Variants in PTGER4 observed in about 807,000 individuals in gnomAD.
The protein encoded by PTGER4 is prostaglandin E receptor 4.
PTGER4 carries 11 observed loss-of-function variants against 33.2 expected under a neutral mutation model. The ratio of observed to expected loss-of-function variants is 0.33; its 90% CI spans 0.21 to 0.55. PTGER4 has a LOEUF of 0.55. Among genes scored for constraint, PTGER4 ranks in the 20% least tolerant of loss-of-function variants. The pLI is 0.92. For missense variants in PTGER4, 481 were observed against 650.2 expected (o/e 0.74, Z 2.83); for synonymous variants, 275 against 281.5 (o/e 0.98, Z 0.23).
chr5:40,705,803 A>G, the PTGER4 span, among the ~76,000 whole-genome samples: 1 of 152,226 alleles, frequency 6.6e-6, no homozygotes, highest in Non-Finnish European at 1.5e-5. Context: ...AATGGCTATT[A>G]TAAGAAAGTC....
chr5:40,745,134 A>C, the PTGER4 span, among the ~76,000 whole-genome samples: 4 of 152,232 alleles, frequency 2.6e-5, no homozygotes, highest in South Asian at 8.3e-4. Context: ...CAAGGATGCC[A>C]AAAGACACTA....
the PTGER4 span, among the ~76,000 whole-genome samples, chr5:40,714,241 CAA>C: frequency 6.6e-6 from 1 of 152,040 alleles, no homozygotes; most frequent in Non-Finnish European, 1.5e-5. Flanking sequence ...GAAAGGATTA[CAA>C]AAAAAGTTCT....
the PTGER4 span, chr5:40,728,596 AT>A: frequency 1.1e-6 from 1 of 912,348 alleles, no homozygotes; most frequent in Non-Finnish European, 1.6e-6. Flanking sequence ...CATTTCGGTG[AT>A]TTTTACCCCT....
chr5:40,699,663 G>T, the PTGER4 span, among the ~76,000 whole-genome samples: 4 of 151,998 alleles, frequency 2.6e-5, no homozygotes, highest in South Asian at 8.3e-4. Context: ...GAGTAAGTAG[G>T]GTTTATCCCA....
chr5:40,690,383 A>G (rs1271231678), intron 2 of PTGER4, among the ~76,000 whole-genome samples: 7 of 152,156 alleles, frequency 4.6e-5, no homozygotes, highest in Admixed American at 4.6e-4. Flanking sequence ...ATTTTCCCCT[A>G]AGGATTAAAA....
At position 40,693,537 on chromosome 5, in the gene PTGER4, G is replaced by A. The variant is rs982704313; in HGVS notation, c.*1159G>A. On this transcript the variant is annotated 3_prime_UTR_variant, in exon 3 of 3. Coordinates refer to ENST00000302472, the MANE Select transcript of PTGER4 (RefSeq NM_000958.3). ...GGCACTTAATGGTCACCTTGTAACA[G>A]TTTTGTGTAACTCCCAGTGATGCTG... The A allele has an allele frequency of 1.2e-4, 114 of 985,808 alleles. No homozygotes were observed. Among genetic ancestry groups the A allele is most frequent in the Non-Finnish European group, 1.3e-4 (110 of 829,870 alleles). The allele number at this position is 985,808 out of a possible 1,614,324, so 61.1% of individuals were successfully genotyped here.
the PTGER4 span, among the ~76,000 whole-genome samples, chr5:40,704,005 C>G: frequency 1.4e-5 from 2 of 144,428 alleles, no homozygotes; most frequent in Admixed American, 1.4e-4. Flanking sequence ...CAGCTTAATA[C>G]CAAAACCTGG....
the PTGER4 span, among the ~76,000 whole-genome samples, chr5:40,712,512 T>C: frequency 1.3e-3 from 199 of 152,250 alleles, 3 homozygotes; most frequent in African/African-American, 4.4e-3. Flanking sequence ...ATGCCAACAA[T>C]AGCCACCAGA....
At chr5:40,728,297 T>TAAAAAAAAAAAAAAAAAA in the PTGER4 span, 3 of 401,712 alleles carry the variant, frequency 7.5e-6, no homozygotes, top group Non-Finnish European at 9.9e-6. Context: ...AAAAAAAAAG[T>TAAAAAAAAAAAAAAAAAA]CAAAATATAC....
At chr5:40,730,435 T>C in the PTGER4 span, 959 of 967,300 alleles carry the variant, frequency 9.9e-4, 4 homozygotes, top group African/African-American at 0.014. Flanking sequence ...AATATAAAAT[T>C]TACCATCTTA....
chr5:40,699,662 G>A, the PTGER4 span, among the ~76,000 whole-genome samples: 1 of 152,008 alleles, frequency 6.6e-6, no homozygotes, highest in African/African-American at 2.4e-5. Flanking sequence ...TGAGTAAGTA[G>A]GGTTTATCCC....
At chr5:40,735,986 T>G in the PTGER4 span, among the ~76,000 whole-genome samples, 1 of 152,188 alleles carries the variant, frequency 6.6e-6, no homozygotes, top group Non-Finnish European at 1.5e-5. Flanking sequence ...AGAAGCTTTT[T>G]AAATGGATGT....
chr5:40,689,741 T>A (rs2111807744), intron 2 of PTGER4, among the ~76,000 whole-genome samples: 2 of 152,338 alleles, frequency 1.3e-5, no homozygotes, highest in South Asian at 4.1e-4. Flanking sequence ...CCTAGTTAAA[T>A]GGCTCCAGCT....
At chr5:40,738,448 AC>A in the PTGER4 span, among the ~76,000 whole-genome samples, 29 of 86,556 alleles carry the variant, frequency 3.4e-4, no homozygotes, top group African/African-American at 1.3e-3. Flanking sequence ...AAAATAAAAT[AC>A]AATACAATAC....
At chr5:40,728,552 T>C in the PTGER4 span, 2 of 1,366,392 alleles carry the variant, frequency 1.5e-6, no homozygotes, top group Non-Finnish European at 2.0e-6. Flanking sequence ...CCCTTTTCAT[T>C]TTTTAAGATA....
the PTGER4 span, among the ~76,000 whole-genome samples, chr5:40,721,697 C>T: frequency 6.6e-6 from 1 of 150,890 alleles, no homozygotes; most frequent in African/African-American, 2.4e-5. Flanking sequence ...CAAAACAAAA[C>T]AAAACAAAAA....
At chr5:40,698,383 C>T (rs1012810224), downstream of PTGER4, among the ~76,000 whole-genome samples, 1 of 152,078 alleles carries the variant, frequency 6.6e-6, no homozygotes, top group African/African-American at 2.4e-5. Flanking sequence ...TGGGGAAATA[C>T]AAGAGACCTA....
the PTGER4 span, among the ~76,000 whole-genome samples, chr5:40,743,372 G>T: frequency 6.6e-6 from 1 of 152,178 alleles, no homozygotes; most frequent in Non-Finnish European, 1.5e-5. Context: ...GTGAAAATAA[G>T]CACAGTTTAA....
downstream of PTGER4, among the ~76,000 whole-genome samples, chr5:40,697,057 AAAG>A (rs1377849343): frequency 7.6e-6 from 1 of 132,440 alleles, no homozygotes; most frequent in East Asian, 3.5e-4. Flanking sequence ...GGAAGGAAAG[AAAG>A]AAAAGAAAGA....
Sources: gnomAD v4.1 joint callset for allele counts (sites outside exome capture counted in the v4.1 genomes callset) on GRCh38, gnomAD v4.1.1 for gene constraint, MANE v1.5 for transcripts, NCBI Gene and HGNC (gene_info 2026-07-23, HGNC 2026-07-21) for gene names.